Variants in SPOCK1 observed in about 807,000 individuals in gnomAD.
The protein encoded by SPOCK1 is SPARC (osteonectin), cwcv and kazal like domains proteoglycan 1, also known as testican-1.
A neutral mutation model predicts 55.3 loss-of-function variants in SPOCK1; 23 were observed. The ratio of observed to expected loss-of-function variants is 0.42; its 90% CI spans 0.30 to 0.59. The LOEUF is 0.59. SPOCK1 is among the 20% of genes least tolerant of loss of function. The pLI, the probability that SPOCK1 is intolerant of heterozygous loss-of-function variation, is 0.22. For synonymous variants in SPOCK1, 226 were observed against 221.0 expected (o/e 1.02, Z -0.20); for missense variants, 499 against 552.5 (o/e 0.90, Z 0.97).
chr5:137,055,385 G>T (rs141313593), intron 6 of SPOCK1, among the ~76,000 whole-genome samples: 1 of 152,162 alleles, frequency 6.6e-6, no homozygotes, highest in African/African-American at 2.4e-5. Flanking sequence ...CCCTCTGGGG[G>T]TATTGTTTTA....
Position 137,379,465 on chromosome 5 carries a change from C to CA in SPOCK1, c.187-112411dup, listed in dbSNP as rs572801582. Among the ~76,000 whole-genome samples the CA allele has an allele frequency of 8.5e-4, 129 of 151,924 alleles. 1 individual carries two copies. The highest frequency in any genetic ancestry group is 3.4e-3 in the Middle Eastern group (1 of 292). On this transcript the variant is annotated intron_variant, in intron 2 of 10. Transcript: ENST00000394945. ...TTTCTGAGACATCCTGTGGCTTTAACAAAAAAGGAAGGTTTAATGTTCAAA... is the reference window on the plus strand; with the variant it reads ...TTTCTGAGACATCCTGTGGCTTTAACAAAAAAAGGAAGGTTTAATGTTCAAA...
chr5:137,212,990 G>T (rs559525729), intron 3 of SPOCK1, among the ~76,000 whole-genome samples: 2 of 152,270 alleles, frequency 1.3e-5, no homozygotes, highest in Non-Finnish European at 2.9e-5. Context: ...GGAGGTCAAG[G>T]CCATGAGTCT....
In SPOCK1 at chr5:137,499,224, C is replaced by A. The variant is rs1329211610; in HGVS notation, c.-46G>T. 7.8e-6 allele frequency: 1 copy of A among 127,478 alleles called. No homozygotes were observed. Among genetic ancestry groups the A allele is most frequent in the Non-Finnish European group, 1.7e-5 (1 of 57,330 alleles). 7.9% of individuals were successfully genotyped at this position (127,478 alleles called of 1,614,324 possible). On this transcript the variant is annotated 5_prime_UTR_variant, in exon 1 of 11. Coordinates refer to ENST00000394945, the MANE Select transcript of SPOCK1 (RefSeq NM_004598.4). ...CCCTAGTCCGAGTTGCTCGAGCTCC[C>A]GCGGCACGGTCGCCGGGAAGGCTGA...
intron 2 of SPOCK1, among the ~76,000 whole-genome samples, chr5:137,485,372 G>A (rs568786670): frequency 6.6e-6 from 1 of 152,294 alleles, no homozygotes; most frequent in Admixed American, 6.5e-5. Flanking sequence ...TGTTGAATTG[G>A]ATGTATGAGC....
intron 2 of SPOCK1, among the ~76,000 whole-genome samples, chr5:137,293,812 C>G (rs950363365): frequency 6.6e-6 from 1 of 152,042 alleles, no homozygotes; most frequent in East Asian, 1.9e-4. Flanking sequence ...GTCAGGAGAT[C>G]GAGACCATCC....
intron 3 of SPOCK1, among the ~76,000 whole-genome samples, chr5:137,149,589 T>TC (rs1754272270): frequency 6.6e-6 from 1 of 152,226 alleles, no homozygotes; most frequent in African/African-American, 2.4e-5. Flanking sequence ...ACACAGTCTA[T>TC]CTTTTGTACC....
chr5:137,025,516 T>C (rs192390242), intron 6 of SPOCK1, among the ~76,000 whole-genome samples: 1 of 152,318 alleles, frequency 6.6e-6, no homozygotes, highest in African/African-American at 2.4e-5. Flanking sequence ...AGCTATTCTA[T>C]TTACACAATG....
At chr5:137,136,227 C>T (rs1753981399) in intron 4 of SPOCK1, among the ~76,000 whole-genome samples, 2 of 152,044 alleles carry the variant, frequency 1.3e-5, no homozygotes, top group Admixed American at 1.3e-4. Flanking sequence ...TCTAAAAAAG[C>T]CTAAGCTCTT....
intron 6 of SPOCK1, among the ~76,000 whole-genome samples, chr5:137,051,434 C>G (rs1001883163): frequency 6.6e-6 from 1 of 152,112 alleles, no homozygotes; most frequent in Non-Finnish European, 1.5e-5. Flanking sequence ...CCTTATGCAT[C>G]AAACATGAAA....
At chr5:137,223,369 C>G (rs1755892515) in intron 3 of SPOCK1, among the ~76,000 whole-genome samples, 1 of 151,690 alleles carries the variant, frequency 6.6e-6, no homozygotes, top group South Asian at 2.1e-4. Context: ...GGGGGATTGT[C>G]TGTTCTCTAC....
intron 2 of SPOCK1, among the ~76,000 whole-genome samples, chr5:137,452,349 T>C (rs967190453): frequency 1.3e-5 from 2 of 152,132 alleles, no homozygotes; most frequent in Non-Finnish European, 2.9e-5. Flanking sequence ...ACTAAGAAAA[T>C]ATGAAAATGG....
chr5:137,221,714 T>C (rs1249620793), intron 3 of SPOCK1, among the ~76,000 whole-genome samples: 1 of 152,240 alleles, frequency 6.6e-6, no homozygotes, highest in African/African-American at 2.4e-5. Context: ...TTTCTTGGCA[T>C]GAATATTCAT....
intron 2 of SPOCK1, among the ~76,000 whole-genome samples, chr5:137,292,141 C>T (rs1251353744): frequency 3.3e-5 from 5 of 152,148 alleles, no homozygotes; most frequent in Non-Finnish European, 7.4e-5. Context: ...GGAACAATAA[C>T]TCGGCTTTGT....
intron 5 of SPOCK1, among the ~76,000 whole-genome samples, chr5:137,103,067 T>C (rs1440510453): frequency 1.3e-5 from 2 of 152,280 alleles, no homozygotes; most frequent in East Asian, 3.9e-4. Flanking sequence ...CTCCACTCAC[T>C]GCAACCTCTG....
intron 2 of SPOCK1, among the ~76,000 whole-genome samples, chr5:137,404,076 AGAGTT>A (rs913041525): frequency 3.3e-5 from 5 of 152,202 alleles, no homozygotes; most frequent in African/African-American, 4.8e-5. Flanking sequence ...ATGGTGCAGC[AGAGTT>A]GACAGGCAAT....
intron 4 of SPOCK1, among the ~76,000 whole-genome samples, chr5:137,139,679 G>T (rs543454497): frequency 1.3e-5 from 2 of 152,208 alleles, no homozygotes; most frequent in South Asian, 4.2e-4. Context: ...TTGGGAACTG[G>T]ACATGGGCAA....
chr5:137,335,884 A>G (rs1250553134), intron 2 of SPOCK1, among the ~76,000 whole-genome samples: 1 of 152,230 alleles, frequency 6.6e-6, no homozygotes, highest in African/African-American at 2.4e-5. Context: ...TGCGGTGCCC[A>G]TCGCCAATCT....
chr5:137,093,411 A>AT (rs1340074625), intron 5 of SPOCK1, among the ~76,000 whole-genome samples: 3 of 152,162 alleles, frequency 2.0e-5, no homozygotes, highest in African/African-American at 7.2e-5. Context: ...TAATCATTTA[A>AT]TTTTTTATTC....
rs189817811 is a variant in SPOCK1 at position 137,127,093 on chromosome 5, G to A, written c.347+13487C>T. On this transcript the variant is annotated intron_variant, in intron 4 of 10. Transcript: ENST00000394945. ...TGGTAAAGTGACAATGTATAAAGGA[G>A]ATTAGTATGGGTCAGCCATCGCAAC... Among the ~76,000 whole-genome samples the A allele has an allele frequency of 6.2e-4, 95 of 152,346 alleles. 1 individual carries two copies. The highest frequency in any genetic ancestry group is 5.7e-4 in the Non-Finnish European group (39 of 68,032).
Sources: gnomAD v4.1 joint callset for allele counts (sites outside exome capture counted in the v4.1 genomes callset) on GRCh38, gnomAD v4.1.1 for gene constraint, MANE v1.5 for transcripts, NCBI Gene and HGNC (gene_info 2026-07-23, HGNC 2026-07-21) for gene names.